Variants in CATSPERE observed in about 807,000 individuals in gnomAD.
The protein encoded by CATSPERE is catsper channel auxiliary subunit epsilon.
Under a neutral mutation model 114.1 loss-of-function variants are expected in CATSPERE, and 93 were observed. That is an observed-to-expected ratio of 0.81 (90% CI 0.69 to 0.97). The LOEUF (loss-of-function observed/expected upper bound fraction) is 0.97. Among genes scored for constraint, CATSPERE ranks in the 50% least tolerant of loss-of-function variants. CATSPERE has a pLI of 0.00. For synonymous variants in CATSPERE, 341 were observed against 384.1 expected (o/e 0.89, Z 1.31); for missense variants, 1,058 against 1,131.6 (o/e 0.93, Z 0.93).
chr1:244,581,956 A>T (rs1666258014), intron 12 of CATSPERE, 102 bp downstream of exon 12: 2 of 507,736 alleles, frequency 3.9e-6, no homozygotes. Flanking sequence ...ATTCTTTTAA[A>T]TATTCAAATT....
At chr1:244,501,199 G>T (rs1311070568) in intron 7 of CATSPERE, among the ~76,000 whole-genome samples, 1 of 152,078 alleles carries the variant, frequency 6.6e-6, no homozygotes, top group Non-Finnish European at 1.5e-5. Flanking sequence ...TTCATGAAGG[G>T]GCTGACCATT....
rs1670172158 is a variant in CATSPERE, at chr1:244,607,594, TC to T, written c.2403+1802del. On this transcript the variant is annotated intron_variant, in intron 18 of 21. Coordinates refer to ENST00000366534, the MANE Select transcript of CATSPERE (RefSeq NM_001130957.2). The surrounding 1 kb of genome is among the most constrained non-coding windows in gnomAD (Gnocchi z 4.4). ...ATGAGCAGAAGTCATAGGTGTCACTTCCAGGTGAAGTGCTTAAGAAGGAATC... is the reference window on the plus strand; with the variant it reads ...ATGAGCAGAAGTCATAGGTGTCACTTCAGGTGAAGTGCTTAAGAAGGAATC... 1.3e-5 allele frequency among the ~76,000 whole-genome samples: 2 copies of T among 152,206 alleles called. No homozygotes were observed. The highest frequency in any genetic ancestry group is 4.8e-5 in the African/African-American group (2 of 41,450).
intron 7 of CATSPERE, among the ~76,000 whole-genome samples, chr1:244,508,318 TGA>T (rs1375502419): frequency 6.7e-6 from 1 of 149,350 alleles, no homozygotes. Context: ...TTTTTTTTTT[TGA>T]GACAGAGTCT....
upstream of CATSPERE, among the ~76,000 whole-genome samples, chr1:244,453,313 C>A (rs118191968): frequency 5.1e-4 from 78 of 152,352 alleles, 1 homozygote; most frequent in East Asian, 0.014. Flanking sequence ...TGAATAAGCA[C>A]ACCTTACTAG....
intron 6 of CATSPERE, among the ~76,000 whole-genome samples, chr1:244,492,899 G>T (rs1159328113): frequency 6.7e-6 from 1 of 149,526 alleles, no homozygotes; most frequent in Non-Finnish European, 1.5e-5. Flanking sequence ...GGATGTGAAG[G>T]ACCTCTTCAA....
chr1:244,474,992 T>C (rs1208983587), intron 2 of CATSPERE, among the ~76,000 whole-genome samples: 2 of 152,040 alleles, frequency 1.3e-5, no homozygotes, highest in Non-Finnish European at 2.9e-5. Context: ...AGTTTTATTA[T>C]TGATTATTGT....
At chr1:244,631,498 T>C (rs1673938117) in intron 20 of CATSPERE, among the ~76,000 whole-genome samples, 1 of 152,114 alleles carries the variant, frequency 6.6e-6, no homozygotes, top group Admixed American at 6.5e-5. Flanking sequence ...TGAAAGACAA[T>C]GTCAAGAGAA....
intron 20 of CATSPERE, among the ~76,000 whole-genome samples, chr1:244,620,377 T>G (rs1671936272): frequency 6.6e-6 from 1 of 152,186 alleles, no homozygotes; most frequent in African/African-American, 2.4e-5. Flanking sequence ...TAAGACCAGC[T>G]ATGAAAAGGG....
intron 7 of CATSPERE, among the ~76,000 whole-genome samples, chr1:244,512,014 G>A (rs1408090199): frequency 6.6e-6 from 1 of 152,050 alleles, no homozygotes; most frequent in African/African-American, 2.4e-5. Context: ...ATGTACCTTG[G>A]AGAAAACCTT....
At position 244,560,886 on chromosome 1, in the gene CATSPERE, C is replaced by G. The variant is rs1274954621; in HGVS notation, c.1248C>G (p.Thr416=). 6.2e-7 allele frequency: 1 copy of G among 1,613,936 alleles called. No individual in the cohort carries two copies. The highest frequency in any genetic ancestry group is 1.3e-5 in the African/African-American group (1 of 74,996). Residue 416 remains threonine (T), a synonymous_variant, in exon 10 of 22, where the codon ACC becomes ACG. Transcript: ENST00000366534. ...FLNYCTVCNV[T]KKIFLVIYNE... ...ATTATTGCACTGTATGTAACGTCAC[C>G]AAAAAGATTTTCTTAGTGATATATA...
intron 20 of CATSPERE, among the ~76,000 whole-genome samples, chr1:244,634,466 T>G (rs760351330): frequency 2.0e-5 from 3 of 152,220 alleles, no homozygotes; most frequent in Non-Finnish European, 4.4e-5. Flanking sequence ...TTCTCCCACA[T>G]GTAGGTAGGT....
At chr1:244,533,373 G>C (rs1434249886) in intron 8 of CATSPERE, among the ~76,000 whole-genome samples, 1 of 152,076 alleles carries the variant, frequency 6.6e-6, no homozygotes. Flanking sequence ...TTATTGATAA[G>C]TAAGGATGTA....
intron 7 of CATSPERE, among the ~76,000 whole-genome samples, chr1:244,499,612 T>C (rs1298138782): frequency 6.6e-6 from 1 of 151,890 alleles, no homozygotes; most frequent in African/African-American, 2.4e-5. Flanking sequence ...TCTGTTCTTG[T>C]GTTAGTTTGC....
chr1:244,589,061 A>G (rs1240430295), intron 14 of CATSPERE, among the ~76,000 whole-genome samples: 1 of 152,222 alleles, frequency 6.6e-6, no homozygotes, highest in African/African-American at 2.4e-5. Context: ...CGGTTCTACT[A>G]TGGTTCATGA....
intron 7 of CATSPERE, among the ~76,000 whole-genome samples, chr1:244,510,989 G>GC (rs1170443641): frequency 1.3e-5 from 2 of 151,186 alleles, no homozygotes; most frequent in Admixed American, 6.6e-5. Flanking sequence ...GATTATAGGC[G>GC]CCCACCAGCA....
At chr1:244,462,018 T>C (rs993005414) in intron 1 of CATSPERE, among the ~76,000 whole-genome samples, 68 of 152,228 alleles carry the variant, frequency 4.5e-4, no homozygotes, top group African/African-American at 1.6e-3. Context: ...GGTCTCACAA[T>C]ATTGCCCAGG....
intron 9 of CATSPERE, among the ~76,000 whole-genome samples, chr1:244,556,963 C>T (rs931778152): frequency 6.6e-6 from 1 of 152,052 alleles, no homozygotes; most frequent in Non-Finnish European, 1.5e-5. Flanking sequence ...TTTCTCCACA[C>T]CACTTATTGA....
At chr1:244,609,781 C>T (rs1173215675) in intron 18 of CATSPERE, among the ~76,000 whole-genome samples, 1 of 152,198 alleles carries the variant, frequency 6.6e-6, no homozygotes, top group Non-Finnish European at 1.5e-5. Flanking sequence ...AAGCACATGC[C>T]TGTAATCCCA....
At chr1:244,536,435 CA>C (rs1680396139) in intron 8 of CATSPERE, among the ~76,000 whole-genome samples, 1 of 152,196 alleles carries the variant, frequency 6.6e-6, no homozygotes, top group Non-Finnish European at 1.5e-5. Flanking sequence ...CCCATGTTCC[CA>C]CCATGAGGAT....
Sources: gnomAD v4.1 joint callset for allele counts (sites outside exome capture counted in the v4.1 genomes callset) on GRCh38, gnomAD v4.1.1 for gene constraint, Gnocchi (gnomAD v3.1) non-coding constraint, MANE v1.5 for transcripts, NCBI Gene and HGNC (gene_info 2026-07-23, HGNC 2026-07-21) for gene names.